The following PROZ variants were observed in gnomAD, a reference collection of about 807,000 sequenced individuals.
PROZ encodes the protein vitamin K-dependent protein Z.
A neutral mutation model predicts 34.9 loss-of-function variants in PROZ; 46 were observed. The observed-to-expected ratio is 1.32, with a 90% confidence interval of 1.04 to 1.69. The LOEUF (loss-of-function observed/expected upper bound fraction) is 1.69, where lower values mean the gene tolerates loss of function less well. PROZ is among the 40% of genes most tolerant of loss of function. PROZ has a pLI of 0.00. For missense variants in PROZ, 530 were observed against 520.4 expected (o/e 1.02, Z -0.18); for synonymous variants, 195 against 208.5 (o/e 0.94, Z 0.56).
In PROZ at chr13:113,171,297, G is replaced by A. The variant is rs181550645; in HGVS notation, c.692-297G>A. 7.9e-5 allele frequency among the ~76,000 whole-genome samples: 12 copies of A among 152,288 alleles called. No individual in the cohort carries two copies. The highest frequency in any genetic ancestry group is 2.0e-4 in the Admixed American group (3 of 15,302). On this transcript the variant is annotated intron_variant, in intron 7 of 7. Coordinates refer to ENST00000375547, the MANE Select transcript of PROZ (RefSeq NM_003891.3). This position sits in a 1 kb window ranked among gnomAD's most constrained non-coding sequence, Gnocchi z 5.1. ...GCCAATGTTTGACTGGCCTGGAGAC[G>A]TTCCACATCACTGCTTCCTGCTTTT...
intron 6 of PROZ, chr13:113,166,232 A>G (rs2036927728): frequency 6.6e-6 from 1 of 152,238 alleles, no homozygotes. Context: ...TGAAATTTGG[A>G]TATTTAACCC....
Position 113,158,861 on chromosome 13 carries a change from C to T in PROZ, c.70+131C>T, listed in dbSNP as rs1407999450. ...GAGTGCCCAGACTAGTCTTAATTCC[C>T]CTGAAAAAGCTGTTTGGATCTTTAT... On this transcript the variant is annotated intron_variant, in intron 1 of 7. Transcript: ENST00000375547. This position sits in a 1 kb window ranked among gnomAD's most constrained non-coding sequence, Gnocchi z 4.3. 4 of 889,472 alleles carry T rather than the reference C, an allele frequency of 4.5e-6. No individual in the cohort carries two copies. The highest frequency in any genetic ancestry group is 7.2e-6 in the Non-Finnish European group (4 of 554,348). The allele number at this position is 889,472 out of a possible 1,614,324, so 55.1% of individuals were successfully genotyped here. A position where few individuals can be genotyped will look rare whatever the true frequency, so the allele number is the denominator to read the frequency against.
rs146299343 is a variant in PROZ, at chr13:113,160,570, T to C, written c.235-378T>C. On this transcript the variant is annotated intron_variant, in intron 2 of 7. Coordinates refer to ENST00000375547, the MANE Select transcript of PROZ (RefSeq NM_003891.3). ...TATATATCTTTAAAATTCAACTCGG[T>C]TTATAAAAAGCGAAAAGGTGATGTG... Among the ~76,000 whole-genome samples, 45 of 152,268 alleles carry C rather than the reference T, an allele frequency of 3.0e-4. No homozygotes were observed. In the East Asian group the frequency reaches 5.4e-3, roughly 18 times the overall value.
In PROZ at chr13:113,171,923, T is replaced by C; in HGVS notation, c.1021T>C (p.Cys341Arg). 1 of 1,613,758 alleles carries C rather than the reference T, an allele frequency of 6.2e-7. No homozygotes were observed. Among genetic ancestry groups the C allele is most frequent in the Non-Finnish European group, 8.5e-7 (1 of 1,180,030 alleles). Residue 341 changes from cysteine (C) to arginine (R), a missense_variant, in exon 8 of 8, where the codon TGT becomes CGT. Cys to Arg is a radical substitution (Grantham distance 180). Transcript: ENST00000375547. This position sits in a 1 kb window ranked among gnomAD's most constrained non-coding sequence, Gnocchi z 5.1. ...TGTGACTGTCACCACCAGGACCTAC[T>C]GTGAGAGAAGCAGCGTGGCGGCCAT... is the stretch of plus-strand genomic sequence containing the variant. ...LNVTVTTRTY[C>R]ERSSVAAMHW...
rs1336477800 is a variant in PROZ, at chr13:113,171,445, GCA to G, written c.692-146_692-145del. 39 of 892,594 alleles carry G rather than the reference GCA, an allele frequency of 4.4e-5. No individual in the cohort carries two copies. The highest frequency in any genetic ancestry group is 2.4e-4 in the Middle Eastern group (1 of 4,188). 55.3% of individuals were successfully genotyped at this position (892,594 alleles called of 1,614,324 possible). On this transcript the variant is annotated intron_variant, in intron 7 of 7. Coordinates refer to ENST00000375547, the MANE Select transcript of PROZ (RefSeq NM_003891.3). This position sits in a 1 kb window ranked among gnomAD's most constrained non-coding sequence, Gnocchi z 5.1. ...GAGTGGCCTTTCTGTCCGCAGAAAG[GCA>G]CAGTGTCCACACCACGGGGCGGTGA...
chr13:113,167,397 G>A (rs999897896), intron 6 of PROZ, among the ~76,000 whole-genome samples: 3 of 152,186 alleles, frequency 2.0e-5, no homozygotes, highest in African/African-American at 7.2e-5. Flanking sequence ...TTTCTCACTT[G>A]GCTCAGCATT....
intron 6 of PROZ, among the ~76,000 whole-genome samples, chr13:113,168,188 A>G (rs1329598263): frequency 2.6e-5 from 4 of 152,338 alleles, no homozygotes; most frequent in Non-Finnish European, 5.9e-5. Flanking sequence ...AAGAATAAGG[A>G]AAAAAACCTT....
Position 113,164,437 on chromosome 13 carries a change from C to T in PROZ, c.374-76C>T. 1.0e-5 allele frequency: 16 copies of T among 1,536,246 alleles called. 1 individual carries two copies. In the South Asian group the frequency reaches 1.7e-4, roughly 16 times the overall value. On this transcript the variant is annotated intron_variant, in intron 4 of 7. Coordinates refer to ENST00000375547, the MANE Select transcript of PROZ (RefSeq NM_003891.3). ...GTGATAAAATGAACATGGACCAACA[C>T]ACAGAACTGTGTGCAAGGCTGTGAT...
chr13:113,162,946 C>G, intron 3 of PROZ, 63 bp from the exon 4 acceptor site: 1 of 1,053,402 alleles, frequency 9.5e-7, no homozygotes. Flanking sequence ...CCACCCCCAC[C>G]CTCCTCCTGC....
In PROZ at chr13:113,171,542, T is replaced by G. The variant is rs2037111593; in HGVS notation, c.692-52T>G. ...CCCTGAGAAGCTCGTTTGAGCATTA[T>G]GTCCCCTTGAAAATCAGACTGTAAA... On this transcript the variant is annotated intron_variant, in intron 7 of 7. Coordinates refer to ENST00000375547, the MANE Select transcript of PROZ (RefSeq NM_003891.3). The surrounding 1 kb of genome is among the most constrained non-coding windows in gnomAD (Gnocchi z 5.1). 6 of 1,612,090 alleles carry G rather than the reference T, an allele frequency of 3.7e-6. No homozygotes were observed. The South Asian group carries it at 5.5e-5, about 15-fold the overall frequency.
rs1417490554 is a variant in PROZ at position 113,171,978 on chromosome 13, G to A, written c.1076G>A (p.Arg359Lys). 6.2e-7 allele frequency: 1 copy of A among 1,613,364 alleles called. No individual in the cohort carries two copies. Among genetic ancestry groups the A allele is most frequent in the Non-Finnish European group, 8.5e-7 (1 of 1,180,054 alleles). ...TGGATGGATGGAAGTGTGGTCACCAGAGAACACAGAGGCTCCTGGTTTCTC... is the reference window on the plus strand; with the variant it reads ...TGGATGGATGGAAGTGTGGTCACCAAAGAACACAGAGGCTCCTGGTTTCTC... Reference protein sequence around the residue: ...MHWMDGSVVTREHRGSWFLTG... With the variant: ...MHWMDGSVVTKEHRGSWFLTG... Residue 359 changes from arginine to lysine, a missense_variant, in exon 8 of 8, where the codon AGA becomes AAA. Arg to Lys is a conservative substitution (Grantham distance 26). Coordinates refer to ENST00000375547, the MANE Select transcript of PROZ (RefSeq NM_003891.3). The surrounding 1 kb of genome is among the most constrained non-coding windows in gnomAD (Gnocchi z 5.1).
At chr13:113,166,994 G>T (rs1267472069) in intron 6 of PROZ, among the ~76,000 whole-genome samples, 1 of 152,158 alleles carries the variant, frequency 6.6e-6, no homozygotes, top group African/African-American at 2.4e-5. Context: ...ACTTAGGCAG[G>T]CTACATACTA....
intron 6 of PROZ, among the ~76,000 whole-genome samples, chr13:113,165,506 G>A (rs2036899702): frequency 1.3e-5 from 2 of 152,118 alleles, no homozygotes; most frequent in Non-Finnish European, 1.5e-5. Context: ...TCCTTGGCTG[G>A]TTTAGAAGTT....
Position 113,172,118 on chromosome 13 carries a change from T to C in PROZ, c.*13T>C, listed in dbSNP as rs567639565. On this transcript the variant is annotated 3_prime_UTR_variant, in exon 8 of 8. Transcript: ENST00000375547. ...GATCATGAACTAACTGAAACTCAGC[T>C]AGCCAGAATGAACAACACAACCGGA... The C allele has an allele frequency of 1.2e-6, 2 of 1,611,844 alleles. No individual in the cohort carries two copies. Among genetic ancestry groups the C allele is most frequent in the East Asian group, 2.2e-5 (1 of 44,864 alleles).
rs374235742 is a variant in PROZ at position 113,158,716 on chromosome 13, G to A, written c.56G>A (p.Arg19His). The A allele has an allele frequency of 1.1e-5, 17 of 1,605,372 alleles. No individual in the cohort carries two copies. Among genetic ancestry groups the A allele is most frequent in the Admixed American group, 5.1e-5 (3 of 59,166 alleles). The change falls in exon 1 of 8, where the codon CGT becomes CAT. Residue 19 changes from arginine to histidine, a missense_variant. By Grantham distance (29) the Arg-to-His change is conservative. Transcript: ENST00000375547. This position sits in a 1 kb window ranked among gnomAD's most constrained non-coding sequence, Gnocchi z 4.3. ...QGLVLVLALH[R>H]VEPSVFLPAS... ...CTGGTCCTGGTCCTCGCCCTCCATC[G>A]TGTGGAGCCCTCAGGTAGGCATCTG... is the stretch of plus-strand genomic sequence containing the variant.
intron 6 of PROZ, among the ~76,000 whole-genome samples, chr13:113,167,463 G>A (rs3024746): frequency 0.2 from 30,889 of 152,054 alleles, 3,924 homozygotes; most frequent in East Asian, 0.55. Flanking sequence ...CAGTACCCGT[G>A]CTATGTGGGC....
intron 4 of PROZ, 86 bp downstream of exon 4, chr13:113,163,208 C>CA: frequency 8.7e-7 from 1 of 1,147,112 alleles, no homozygotes; most frequent in Non-Finnish European, 1.3e-6. Flanking sequence ...ATGGGCCCCT[C>CA]CTGAGGTGTA....
At chr13:113,160,367 A>G (rs1275221827) in intron 2 of PROZ, among the ~76,000 whole-genome samples, 190 bp downstream of exon 2, 1 of 152,166 alleles carries the variant, frequency 6.6e-6, no homozygotes, top group East Asian at 1.9e-4. Flanking sequence ...TCCCTACAGC[A>G]GTGAGTGGGG....
At chr13:113,161,122 A>C in intron 3 of PROZ, 150 bp downstream of exon 3, 1 of 761,430 alleles carries the variant, frequency 1.3e-6, no homozygotes, top group South Asian at 1.5e-5. Context: ...GGCAGCTCCG[A>C]CTCTCCCCAA....
Sources: gnomAD v4.1 joint callset for allele counts (sites outside exome capture counted in the v4.1 genomes callset) on GRCh38, gnomAD v4.1.1 for gene constraint, Gnocchi (gnomAD v3.1) non-coding constraint, MANE v1.5 for transcripts, NCBI Gene and HGNC (gene_info 2026-07-23, HGNC 2026-07-21) for gene names.